The following SLC38A9 variants were observed in gnomAD, a reference collection of about 807,000 sequenced individuals.
The protein encoded by SLC38A9 is neutral amino acid transporter 9.
A neutral mutation model predicts 62.3 loss-of-function variants in SLC38A9; 48 were observed. That is an observed-to-expected ratio of 0.77 (90% confidence interval 0.61 to 0.98). The LOEUF (loss-of-function observed/expected upper bound fraction) is 0.98, where lower values mean the gene tolerates loss of function less well. SLC38A9 is among the 50% of genes least tolerant of loss of function. SLC38A9 has a pLI of 0.00. For synonymous variants in SLC38A9, 204 were observed against 227.7 expected, an observed-to-expected ratio of 0.90 and a Z score of 0.94; for missense variants, 541 against 679.8, an observed-to-expected ratio of 0.80 and a Z score of 2.27.
intron 2 of SLC38A9, among the ~76,000 whole-genome samples, chr5:55,707,916 C>T (rs1757493118): frequency 6.6e-6 from 1 of 152,152 alleles, no homozygotes; most frequent in Admixed American, 6.5e-5. Flanking sequence ...CTTTCCATCC[C>T]TTCCCCCATG....
At chr5:55,706,667 C>T (rs144443402) in intron 2 of SLC38A9, among the ~76,000 whole-genome samples, 29 of 151,944 alleles carry the variant, frequency 1.9e-4, no homozygotes, top group African/African-American at 6.5e-4. Flanking sequence ...GTTCAAAGTC[C>T]CTGGTGCCTT....
intron 3 of SLC38A9, among the ~76,000 whole-genome samples, chr5:55,694,551 A>C (rs1235029695): frequency 1.3e-5 from 2 of 152,226 alleles, no homozygotes; most frequent in Non-Finnish European, 2.9e-5. Flanking sequence ...AAAATAATTC[A>C]GAAGAATCAT....
At chr5:55,667,257 CA>C (rs960653073) in intron 7 of SLC38A9, among the ~76,000 whole-genome samples, 15 of 94,364 alleles carry the variant, frequency 1.6e-4, no homozygotes, top group East Asian at 5.0e-4. Flanking sequence ...ACAATATCTC[CA>C]AAAAAAACTG....
chr5:55,631,761 C>G (rs73119743), intron 14 of SLC38A9, among the ~76,000 whole-genome samples: 1 of 152,070 alleles, frequency 6.6e-6, no homozygotes, highest in Non-Finnish European at 1.5e-5. Context: ...TAGTTGCTTA[C>G]TGTAAATGCA....
At chr5:55,696,725 C>A (rs1391719197) in intron 3 of SLC38A9, 1 of 140,086 alleles carries the variant, frequency 7.1e-6, no homozygotes, top group East Asian at 2.1e-4. Context: ...CCCTCCCGGA[C>A]GGGGTGGCTG....
chr5:55,712,055 C>G (rs1758125936), intron 1 of SLC38A9, among the ~76,000 whole-genome samples, 162 bp downstream of exon 1: 3 of 152,172 alleles, frequency 2.0e-5, no homozygotes, highest in African/African-American at 7.2e-5. Flanking sequence ...AGGCTATGGC[C>G]TCCCTGAGCC....
intron 3 of SLC38A9, among the ~76,000 whole-genome samples, chr5:55,687,271 C>A (rs558513622): frequency 2.9e-3 from 439 of 150,310 alleles, no homozygotes; most frequent in African/African-American, 1.0e-2. Flanking sequence ...ACTAAAAATA[C>A]AAAAAATTAG....
chr5:55,678,836 T>C (rs1178465489), intron 3 of SLC38A9, among the ~76,000 whole-genome samples: 1 of 151,824 alleles, frequency 6.6e-6, no homozygotes, highest in Non-Finnish European at 1.5e-5. Flanking sequence ...ATTTTTTTAA[T>C]TTTTTGTAGA....
At chr5:55,655,984 C>T (rs13166748) in intron 9 of SLC38A9, among the ~76,000 whole-genome samples, 91,959 of 151,852 alleles carry the variant, frequency 0.61, 28,297 homozygotes, top group South Asian at 0.7. Context: ...TTACAGGTTA[C>T]AAATTTGTAT....
chr5:55,678,650 T>TG (rs2150408940), intron 3 of SLC38A9, among the ~76,000 whole-genome samples: 2 of 128,600 alleles, frequency 1.6e-5, no homozygotes, highest in South Asian at 5.8e-4. Context: ...ATGAACTTTT[T>TG]TTTTTTTTTT....
chr5:55,704,024 C>A (rs1580443207), intron 2 of SLC38A9: 1 of 152,054 alleles, frequency 6.6e-6, no homozygotes, highest in East Asian at 1.9e-4. Context: ...ATATGCATGC[C>A]AGGCATGGTG....
At chr5:55,639,180 G>A (rs1344136134) in intron 12 of SLC38A9, among the ~76,000 whole-genome samples, 2 of 151,166 alleles carry the variant, frequency 1.3e-5, no homozygotes, top group African/African-American at 4.9e-5. Flanking sequence ...GGCTGAGGCA[G>A]GAGAACTGCT....
At chr5:55,634,477 T>C (rs1381996779) in intron 13 of SLC38A9, 1 of 152,174 alleles carries the variant, frequency 6.6e-6, no homozygotes, top group Non-Finnish European at 1.5e-5. Context: ...TTTGGTTTGG[T>C]ATCTTAAAAA....
At chr5:55,652,507 A>G (rs1747698752) in intron 10 of SLC38A9, 22 bp downstream of exon 10, 1 of 1,504,864 alleles carries the variant, frequency 6.6e-7, no homozygotes, top group South Asian at 1.3e-5. Context: ...CAAAGTCTCC[A>G]TAATTCAGTG....
chr5:55,641,286 C>T (rs936221155), intron 12 of SLC38A9, among the ~76,000 whole-genome samples: 1 of 152,226 alleles, frequency 6.6e-6, no homozygotes, highest in Non-Finnish European at 1.5e-5. Flanking sequence ...GGCATCTTTT[C>T]CATGCCTTGG....
chr5:55,698,840 A>G (rs891398114), intron 2 of SLC38A9, among the ~76,000 whole-genome samples: 5 of 152,172 alleles, frequency 3.3e-5, no homozygotes, highest in Admixed American at 1.3e-4. Flanking sequence ...CCGAGGCTGA[A>G]GCGGGAGGAT....
intron 12 of SLC38A9, among the ~76,000 whole-genome samples, chr5:55,644,665 C>T (rs1195476331): frequency 6.6e-6 from 1 of 151,930 alleles, no homozygotes; most frequent in Non-Finnish European, 1.5e-5. Context: ...CGTGTCCACC[C>T]GCCTTGGCCT....
At chr5:55,677,538 TTTTG>T (rs1455439139) in intron 3 of SLC38A9, among the ~76,000 whole-genome samples, 2 of 151,910 alleles carry the variant, frequency 1.3e-5, no homozygotes, top group Admixed American at 6.6e-5. Flanking sequence ...GTAGGTCTTT[TTTTG>T]TTTGTTTGTT....
At chr5:55,654,253 A>G (rs1310112116) in intron 9 of SLC38A9, among the ~76,000 whole-genome samples, 4 of 152,130 alleles carry the variant, frequency 2.6e-5, no homozygotes, top group Admixed American at 1.3e-4. Context: ...CTTAGTCAAC[A>G]TTTTAGTGTG....
Sources: allele counts gnomAD v4.1 joint callset (sites outside exome capture counted in the v4.1 genomes callset), GRCh38; gene constraint gnomAD v4.1.1; transcripts MANE v1.5; gene names NCBI Gene and HGNC (gene_info 2026-07-23, HGNC 2026-07-21).